The following PRKN variants were observed in gnomAD, a reference collection of about 807,000 sequenced individuals.
PRKN encodes E3 ubiquitin-protein ligase parkin.
A neutral mutation model predicts 59.5 loss-of-function variants in PRKN; 56 were observed. The ratio of observed to expected loss-of-function variants is 0.94; its 90% CI spans 0.76 to 1.18. The LOEUF (loss-of-function observed/expected upper bound fraction) is 1.18, where lower values mean the gene tolerates loss of function less well. PRKN is among the 50% of genes most tolerant of loss of function. The probability of loss-of-function intolerance (pLI) is 0.00; values close to 1 mark genes in which losing one functional copy is unlikely to be tolerated. For synonymous variants in PRKN, 250 were observed against 222.1 expected (o/e 1.13, Z -1.12); for missense variants, 657 against 596.4 (o/e 1.10, Z -1.06).
intron 3 of PRKN, among the ~76,000 whole-genome samples, chr6:162,236,235 C>T: frequency 6.6e-6 from 1 of 152,162 alleles, no homozygotes. Context: ...GCCAGACTTC[C>T]AATTCCTATC....
chr6:161,823,024 G>A (rs1192718288), intron 6 of PRKN, among the ~76,000 whole-genome samples: 3 of 151,930 alleles, frequency 2.0e-5, no homozygotes, highest in African/African-American at 4.8e-5. Flanking sequence ...AGCCTTGACC[G>A]CTTGGGCTCA....
intron 2 of PRKN, among the ~76,000 whole-genome samples, chr6:162,406,338 A>T (rs573516221): frequency 5.7e-4 from 87 of 152,300 alleles, no homozygotes; most frequent in South Asian, 1.9e-3. Flanking sequence ...CCTTAGAACC[A>T]CTGTGCATAC....
chr6:162,034,157 G>T (rs899327566), intron 5 of PRKN, among the ~76,000 whole-genome samples: 1 of 147,482 alleles, frequency 6.8e-6, no homozygotes, highest in Admixed American at 6.9e-5. Context: ...GTGTGTGTGT[G>T]TGTACACATA....
At chr6:161,557,801 GC>G (rs1780296064) in intron 8 of PRKN, among the ~76,000 whole-genome samples, 1 of 152,154 alleles carries the variant, frequency 6.6e-6, no homozygotes, top group Non-Finnish European at 1.5e-5. Flanking sequence ...GAGCTATGTG[GC>G]CCCCTTTCAG....
In PRKN at chr6:162,720,600, G is replaced by A. The variant is rs988558952; in HGVS notation, c.7+7062C>T. Among the ~76,000 whole-genome samples, 9 of 151,394 alleles carry A rather than the reference G, an allele frequency of 5.9e-5. 1 individual carries two copies. In the South Asian group the frequency reaches 1.3e-3, roughly 21 times the overall value. On this transcript the variant is annotated intron_variant, in intron 1 of 11. Coordinates refer to ENST00000366898, the MANE Select transcript of PRKN (RefSeq NM_004562.3). ...CGAGTAGCTGGGACTACAGGCGCCCGCCACCGCGCCCGGCTAATTTTTTGT... is the reference window on the plus strand; with the variant it reads ...CGAGTAGCTGGGACTACAGGCGCCCACCACCGCGCCCGGCTAATTTTTTGT...
At position 161,454,457 on chromosome 6, in the gene PRKN, G is replaced by A. The variant is rs1789877355; in HGVS notation, c.1084-67580C>T. 6.6e-6 allele frequency among the ~76,000 whole-genome samples: 1 copy of A among 152,200 alleles called. No individual in the cohort carries two copies. Among genetic ancestry groups the A allele is most frequent in the Non-Finnish European group, 1.5e-5 (1 of 68,030 alleles). The stretch of plus-strand genomic sequence containing the variant: ...CTTCCTTAACCAGGCAGGAGGAACA[G>A]CAGTTCATTCGTGGTCTTGAGTCCA... On this transcript the variant is annotated intron_variant, in intron 9 of 11. Transcript: ENST00000366898. The surrounding 1 kb of genome is among the most constrained non-coding windows in gnomAD (Gnocchi z 4.6).
chr6:162,572,916 C>T (rs1480219877), intron 1 of PRKN, among the ~76,000 whole-genome samples: 2 of 152,148 alleles, frequency 1.3e-5, no homozygotes, highest in Admixed American at 1.3e-4. Context: ...TTCTCCTCTG[C>T]ATTTTTAATA....
intron 1 of PRKN, among the ~76,000 whole-genome samples, chr6:162,527,370 G>T (rs1452007144): frequency 6.6e-6 from 1 of 152,044 alleles, no homozygotes; most frequent in Non-Finnish European, 1.5e-5. Context: ...TTCACCAACA[G>T]GAAAATCCAA....
At chr6:161,885,661 TC>T (rs1562365251) in intron 6 of PRKN, among the ~76,000 whole-genome samples, 2 of 98,452 alleles carry the variant, frequency 2.0e-5, no homozygotes, top group African/African-American at 1.0e-4. Context: ...CGAGACTCTG[TC>T]TCAAAAAAAA....
At chr6:162,324,744 G>A (rs1783188007) in intron 2 of PRKN, among the ~76,000 whole-genome samples, 1 of 152,038 alleles carries the variant, frequency 6.6e-6, no homozygotes, top group African/African-American at 2.4e-5. Flanking sequence ...AAATATGTGT[G>A]TATATGTGTA....
intron 1 of PRKN, among the ~76,000 whole-genome samples, chr6:162,512,581 AG>A (rs1777675964): frequency 6.6e-6 from 1 of 152,170 alleles, no homozygotes; most frequent in Non-Finnish European, 1.5e-5. Flanking sequence ...TGTCCGTCAT[AG>A]GTGTTACTAA....
chr6:161,384,305 G>T (rs1786132757), intron 10 of PRKN, among the ~76,000 whole-genome samples: 1 of 150,570 alleles, frequency 6.6e-6, no homozygotes, highest in African/African-American at 2.5e-5. Context: ...TGTCATCTCA[G>T]TACTTTGGGA....
At chr6:162,640,368 T>C (rs1777914705) in intron 1 of PRKN, among the ~76,000 whole-genome samples, 1 of 152,186 alleles carries the variant, frequency 6.6e-6, no homozygotes, top group African/African-American at 2.4e-5. Flanking sequence ...AATAACTATA[T>C]TGCCAAGTCA....
intron 7 of PRKN, among the ~76,000 whole-genome samples, chr6:161,626,368 A>C (rs377751908): frequency 9.2e-5 from 14 of 152,330 alleles, no homozygotes; most frequent in African/African-American, 3.4e-4. Context: ...ACCCATGTGT[A>C]CACGAACAGG....
intron 10 of PRKN, among the ~76,000 whole-genome samples, chr6:161,384,850 T>C (rs1288553326): frequency 6.6e-6 from 1 of 152,240 alleles, no homozygotes; most frequent in Non-Finnish European, 1.5e-5. Flanking sequence ...AGCATATTAC[T>C]GTAATTACGA....
intron 1 of PRKN, among the ~76,000 whole-genome samples, chr6:162,465,930 A>G (rs920850707): frequency 2.6e-5 from 4 of 152,284 alleles, no homozygotes; most frequent in African/African-American, 9.6e-5. Flanking sequence ...ATGGTGACTA[A>G]TATATCTTAA....
chr6:162,204,072 C>A (rs146520573), intron 3 of PRKN, among the ~76,000 whole-genome samples: 2 of 152,288 alleles, frequency 1.3e-5, no homozygotes, highest in African/African-American at 4.8e-5. Context: ...CAGTTTCTGA[C>A]ATCATGCTAC....
intron 6 of PRKN, among the ~76,000 whole-genome samples, chr6:161,958,508 AT>A (rs1780265915): frequency 6.6e-6 from 1 of 152,184 alleles, no homozygotes; most frequent in South Asian, 2.1e-4. Flanking sequence ...TTTGTAAAAA[AT>A]AATAATAATA....
chr6:162,053,531 C>T (rs1432029697), intron 5 of PRKN, among the ~76,000 whole-genome samples: 1 of 152,054 alleles, frequency 6.6e-6, no homozygotes. Flanking sequence ...GTCTATGAAA[C>T]ATATGGCATA....
Sources: allele counts gnomAD v4.1 joint callset (sites outside exome capture counted in the v4.1 genomes callset), GRCh38; gene constraint gnomAD v4.1.1; non-coding constraint Gnocchi (gnomAD v3.1); transcripts MANE v1.5; gene names NCBI Gene and HGNC (gene_info 2026-07-23, HGNC 2026-07-21).